Variants in DENND2B observed in about 807,000 individuals in gnomAD.
DENND2B encodes DENN domain containing 2B, also known as DENN domain-containing protein 2B.
A neutral mutation model predicts 116.0 loss-of-function variants in DENND2B; 32 were observed. The ratio of observed to expected loss-of-function variants is 0.28; its 90% confidence interval spans 0.21 to 0.37. The LOEUF (loss-of-function observed/expected upper bound fraction) is 0.37, where lower values mean the gene tolerates loss of function less well. DENND2B is among the 10% of genes least tolerant of loss of function. The pLI, the probability that DENND2B is intolerant of heterozygous loss-of-function variation, is 1.00. For missense variants in DENND2B, 1,276 were observed against 1,477.7 expected (o/e 0.86, Z 2.24); for synonymous variants, 588 against 583.9 (o/e 1.01, Z -0.10).
rs1265152350 is a variant in DENND2B at position 8,697,760 on chromosome 11, A to G, written c.2941-124T>C. ...ATCTCTCCCAGTAACCCTCATAACT[A>G]TCATCAACCTCATTTTAAGATGAGG... On this transcript the variant is annotated intron_variant, in intron 16 of 19. Coordinates refer to ENST00000313726, the MANE Select transcript of DENND2B (RefSeq NM_213618.2). 1.3e-4 allele frequency: 90 copies of G among 681,474 alleles called. No individual in the cohort carries two copies. In the South Asian group the frequency reaches 1.4e-3, roughly 11 times the overall value. 42.2% of individuals were successfully genotyped at this position (681,474 alleles called of 1,614,324 possible).
intron 1 of DENND2B, among the ~76,000 whole-genome samples, chr11:8,768,578 T>C (rs1296030178): frequency 6.6e-6 from 1 of 152,132 alleles, no homozygotes; most frequent in East Asian, 1.9e-4. Flanking sequence ...TGTAAACTGG[T>C]CAGGAAACAA....
chr11:8,784,081 T>G (rs908210312), intron 1 of DENND2B: 4 of 152,110 alleles, frequency 2.6e-5, no homozygotes, highest in African/African-American at 9.7e-5. Flanking sequence ...AAGGAAAGAT[T>G]CTTGGGTAGA....
At chr11:8,839,408 T>C (rs1418188501) in intron 3 of DENND2B, 40 of 152,304 alleles carry the variant, frequency 2.6e-4, no homozygotes, top group African/African-American at 9.1e-4. Flanking sequence ...CACTTTCCAA[T>C]AACCTTTAAG....
intron 4 of DENND2B, chr11:8,718,500 A>T: frequency 6.8e-7 from 1 of 1,464,490 alleles, no homozygotes; most frequent in South Asian, 1.4e-5. Flanking sequence ...GGAACGGAAC[A>T]GTGATTAGCA....
upstream of DENND2B, among the ~76,000 whole-genome samples, chr11:8,874,909 A>T (rs113841377): frequency 7.6e-4 from 115 of 152,188 alleles, 1 homozygote; most frequent in African/African-American, 2.7e-3. Context: ...TGGGCGGCAA[A>T]GTGAGACCCT....
upstream of DENND2B, chr11:8,871,528 G>A (rs1053163887): frequency 3.9e-5 from 6 of 152,204 alleles, no homozygotes; most frequent in African/African-American, 1.4e-4. Context: ...TGCCTGCACC[G>A]CCCGCCGGCC....
intron 1 of DENND2B, among the ~76,000 whole-genome samples, chr11:8,905,230 G>A (rs1222578825): frequency 2.6e-5 from 4 of 152,078 alleles, no homozygotes; most frequent in Admixed American, 2.6e-4. Context: ...AAGTCTAAAA[G>A]CTAACTCTTA....
In DENND2B at chr11:8,707,045, C is replaced by A; in HGVS notation, c.2571+40G>T. 1 of 1,589,994 alleles carries A rather than the reference C, an allele frequency of 6.3e-7. No individual in the cohort carries two copies. Among genetic ancestry groups the A allele is most frequent in the Non-Finnish European group, 8.6e-7 (1 of 1,166,108 alleles). On this transcript the variant is annotated intron_variant, in intron 13 of 19. Coordinates refer to ENST00000313726, the MANE Select transcript of DENND2B (RefSeq NM_213618.2). This position sits in a 1 kb window ranked among gnomAD's most constrained non-coding sequence, Gnocchi z 4.8. ...GGCCAGCATGGTCCTCCTGCCACCCCAGCCCGTAGCCCGAGAGAAGAGGGT... is the reference window on the plus strand; with the variant it reads ...GGCCAGCATGGTCCTCCTGCCACCCAAGCCCGTAGCCCGAGAGAAGAGGGT...
chr11:8,836,305 A>G (rs1279713885), intron 4 of DENND2B, among the ~76,000 whole-genome samples: 1 of 151,934 alleles, frequency 6.6e-6, no homozygotes, highest in Non-Finnish European at 1.5e-5. Flanking sequence ...AACTTTCTCT[A>G]GCAAGTTTCA....
chr11:8,726,597 C>A (rs779052483), intron 3 of DENND2B, among the ~76,000 whole-genome samples: 1 of 152,198 alleles, frequency 6.6e-6, no homozygotes, highest in African/African-American at 2.4e-5. Flanking sequence ...TCCCAGGCGA[C>A]GTCTCACTCC....
upstream of DENND2B, among the ~76,000 whole-genome samples, chr11:8,875,715 C>A (rs2063834237): frequency 6.6e-6 from 1 of 152,080 alleles, no homozygotes; most frequent in South Asian, 2.1e-4. Context: ...AGACATAAGC[C>A]ACCACACCTA....
At chr11:8,877,266 G>C (rs2063853932) in intron 2 of DENND2B, among the ~76,000 whole-genome samples, 2 of 151,946 alleles carry the variant, frequency 1.3e-5, no homozygotes, top group East Asian at 3.9e-4. Context: ...ACCATGCCCA[G>C]CTAATTTTTT....
At chr11:8,795,346 T>C (rs564054353) in intron 1 of DENND2B, among the ~76,000 whole-genome samples, 29 of 152,320 alleles carry the variant, frequency 1.9e-4, no homozygotes, top group East Asian at 3.9e-4. Context: ...CATACCCTTA[T>C]TGGCATCTCA....
chr11:8,698,137 C>CCAAAAA (rs2040745467), intron 16 of DENND2B, among the ~76,000 whole-genome samples: 1 of 39,808 alleles, frequency 2.5e-5, no homozygotes, highest in Non-Finnish European at 4.9e-5. Flanking sequence ...ACCCTGTCTC[C>CCAAAAA]AAAAAAAAAA....
chr11:8,698,166 A>AAAAAAAAAAAAAAAAAAG (rs1555092981), intron 16 of DENND2B, among the ~76,000 whole-genome samples: 1 of 129,448 alleles, frequency 7.7e-6, no homozygotes, highest in Non-Finnish European at 1.6e-5. Context: ...AAAAAAAAAA[A>AAAAAAAAAAAAAAAAAAG]GGGGGTAGAG....
intron 11 of DENND2B, 90 bp downstream of exon 11, chr11:8,710,753 GCA>G (rs56230708): frequency 0.098 from 80,541 of 821,498 alleles, 571 homozygotes; most frequent in Middle Eastern, 0.13. Flanking sequence ...TTGCAGAAGG[GCA>G]CACACACACA....
intron 1 of DENND2B, among the ~76,000 whole-genome samples, chr11:8,779,509 TC>T (rs1213781400): frequency 4.4e-5 from 5 of 113,968 alleles, no homozygotes; most frequent in Admixed American, 9.5e-5. Flanking sequence ...TTTCTTTCTT[TC>T]TTTCTTTTTT....
chr11:8,864,342 C>T (rs1348422661), intron 2 of DENND2B, among the ~76,000 whole-genome samples: 1 of 152,136 alleles, frequency 6.6e-6, no homozygotes, highest in Non-Finnish European at 1.5e-5. Flanking sequence ...ATCTCGGCTC[C>T]CTACAGCCTT....
chr11:8,874,064 C>T (rs1192152527), upstream of DENND2B, among the ~76,000 whole-genome samples: 2 of 152,210 alleles, frequency 1.3e-5, no homozygotes, highest in Non-Finnish European at 2.9e-5. Context: ...CCCATCAACA[C>T]AGAGCCAAGA....
Sources: allele counts gnomAD v4.1 joint callset (sites outside exome capture counted in the v4.1 genomes callset), GRCh38; gene constraint gnomAD v4.1.1; non-coding constraint Gnocchi (gnomAD v3.1); transcripts MANE v1.5; gene names NCBI Gene and HGNC (gene_info 2026-07-23, HGNC 2026-07-21).